Variants in DPP10 observed in about 807,000 individuals in gnomAD.
DPP10 encodes dipeptidyl peptidase like 10, also known as inactive dipeptidyl peptidase 10.
Under a neutral mutation model 120.9 loss-of-function variants are expected in DPP10, and 33 were observed. That is an observed-to-expected ratio of 0.27 (90% confidence interval 0.21 to 0.37). The LOEUF (loss-of-function observed/expected upper bound fraction) is 0.37, where lower values mean the gene tolerates loss of function less well. Among genes scored for constraint, DPP10 ranks in the 10% least tolerant of loss-of-function variants. The pLI, the probability that DPP10 is intolerant of heterozygous loss-of-function variation, is 1.00. For synonymous variants in DPP10, 337 were observed against 326.1 expected, an observed-to-expected ratio of 1.03 and a Z score of -0.36; for missense variants, 816 against 942.8, an observed-to-expected ratio of 0.87 and a Z score of 1.76.
At chr2:115,654,336 T>C (rs553945396) in intron 5 of DPP10, among the ~76,000 whole-genome samples, 26 of 152,056 alleles carry the variant, frequency 1.7e-4, no homozygotes, top group African/African-American at 5.8e-4. Flanking sequence ...TTAAACCTTA[T>C]TAAAATTCCA....
chr2:115,718,187 TA>T (rs5833621), intron 7 of DPP10, among the ~76,000 whole-genome samples: 121,975 of 149,892 alleles, frequency 0.81, 50,281 homozygotes, highest in East Asian at 0.88. Flanking sequence ...TTCCAGTAAT[TA>T]AAAAAAAAAA....
chr2:115,195,336 C>T (rs2055181519), intron 1 of DPP10, among the ~76,000 whole-genome samples: 1 of 152,124 alleles, frequency 6.6e-6, no homozygotes, highest in Non-Finnish European at 1.5e-5. Context: ...TCACCGCCAC[C>T]CCTAAAACCC....
At chr2:114,961,045 T>C in intron 1 of DPP10, among the ~76,000 whole-genome samples, 1 of 107,036 alleles carries the variant, frequency 9.3e-6, no homozygotes, top group Non-Finnish European at 1.8e-5. Flanking sequence ...TTTTTTTTTT[T>C]TTTTTTTTTT....
chr2:115,227,381 G>A lies in DPP10; in HGVS notation c.61-81858G>A, dbSNP rs138177953. Among the ~76,000 whole-genome samples the A allele has an allele frequency of 8.2e-3, 1,254 of 152,216 alleles. 9 individuals are homozygous for A. The highest frequency in any genetic ancestry group is 0.012 in the South Asian group (60 of 4,830). On this transcript the variant is annotated intron_variant, in intron 1 of 25. Transcript: ENST00000410059. ...TTCAGTAAAGAAACTGATTCTTCCA[G>A]TTGAAATTTAAACTTTCTTTTACTC...
intron 1 of DPP10, among the ~76,000 whole-genome samples, chr2:114,563,761 C>T (rs2104961150): frequency 6.6e-6 from 1 of 152,160 alleles, no homozygotes; most frequent in East Asian, 1.9e-4. Context: ...TTCAGGAGGC[C>T]AGAAGCTAAA....
At chr2:115,754,171 C>T (rs1357205058) in intron 11 of DPP10, among the ~76,000 whole-genome samples, 1 of 152,006 alleles carries the variant, frequency 6.6e-6, no homozygotes, top group Non-Finnish European at 1.5e-5. Flanking sequence ...CCAAGCAAAG[C>T]AAAAAGATTT....
intron 3 of DPP10, among the ~76,000 whole-genome samples, chr2:115,348,490 T>C (rs970176573): frequency 3.3e-5 from 5 of 152,188 alleles, no homozygotes; most frequent in Admixed American, 3.3e-4. Context: ...ACATAGTTTT[T>C]TTTTATAATT....
At chr2:115,522,724 G>A (rs1034947553) in intron 4 of DPP10, among the ~76,000 whole-genome samples, 3 of 152,068 alleles carry the variant, frequency 2.0e-5, no homozygotes, top group African/African-American at 7.2e-5. Flanking sequence ...TCATTGCTGA[G>A]TAATGGCAAT....
At chr2:114,765,487 C>T (rs928889877) in intron 1 of DPP10, among the ~76,000 whole-genome samples, 9 of 152,090 alleles carry the variant, frequency 5.9e-5, no homozygotes, top group African/African-American at 2.2e-4. Flanking sequence ...ACAACAAATA[C>T]GAGAGATGGA....
intron 1 of DPP10, among the ~76,000 whole-genome samples, chr2:114,760,480 C>T (rs1680183787): frequency 6.6e-6 from 1 of 151,828 alleles, no homozygotes; most frequent in Non-Finnish European, 1.5e-5. Flanking sequence ...AAACTTCTAA[C>T]CTGGAAGTAC....
At chr2:115,586,570 T>C (rs924434504) in intron 5 of DPP10, among the ~76,000 whole-genome samples, 1 of 152,210 alleles carries the variant, frequency 6.6e-6, no homozygotes, top group Non-Finnish European at 1.5e-5. Flanking sequence ...CCAACAGTAA[T>C]GGAAGAAAAT....
chr2:115,166,590 A>G (rs1208516060), intron 1 of DPP10, among the ~76,000 whole-genome samples: 2 of 118,170 alleles, frequency 1.7e-5, no homozygotes, highest in Non-Finnish European at 1.9e-5. Flanking sequence ...ATTATATATA[A>G]GGCATTTTGT....
At chr2:114,768,092 C>T (rs1423308169) in intron 1 of DPP10, among the ~76,000 whole-genome samples, 1 of 143,870 alleles carries the variant, frequency 7.0e-6, no homozygotes, top group Non-Finnish European at 1.5e-5. Context: ...TGTGCCACTG[C>T]ACTCCAGGTC....
At chr2:115,061,829 A>T (rs542935992) in intron 1 of DPP10, among the ~76,000 whole-genome samples, 1 of 152,192 alleles carries the variant, frequency 6.6e-6, no homozygotes, top group Non-Finnish European at 1.5e-5. Flanking sequence ...CAGCATGTTG[A>T]AGAAGCTAAA....
chr2:115,820,488 A>T (rs2150058071), intron 21 of DPP10, among the ~76,000 whole-genome samples: 1 of 150,902 alleles, frequency 6.6e-6, no homozygotes, highest in African/African-American at 2.4e-5. Context: ...ACTTACATGA[A>T]TAAGTTCTTT....
chr2:115,305,418 G>T (rs2061321718), intron 1 of DPP10, among the ~76,000 whole-genome samples: 1 of 152,012 alleles, frequency 6.6e-6, no homozygotes. Context: ...ACAAGAGATT[G>T]TTAACTGACG....
At chr2:115,537,395 A>G (rs2078914855) in intron 5 of DPP10, among the ~76,000 whole-genome samples, 1 of 152,024 alleles carries the variant, frequency 6.6e-6, no homozygotes, top group Admixed American at 6.6e-5. Flanking sequence ...CATGGAGAAA[A>G]AGTAAAGTGA....
At chr2:114,735,420 A>G (rs1677331537) in intron 1 of DPP10, among the ~76,000 whole-genome samples, 1 of 152,178 alleles carries the variant, frequency 6.6e-6, no homozygotes, top group African/African-American at 2.4e-5. Context: ...CAAGAGTTTC[A>G]AAGTTTCAAG....
chr2:114,714,071 TTG>T (rs59076753), intron 1 of DPP10, among the ~76,000 whole-genome samples: 8,725 of 147,214 alleles, frequency 0.059, 357 homozygotes, highest in African/African-American at 0.12. Flanking sequence ...GGATTTGTGT[TTG>T]TGTGTGTGTG....
Sources: gnomAD v4.1 joint callset for allele counts (sites outside exome capture counted in the v4.1 genomes callset) on GRCh38, gnomAD v4.1.1 for gene constraint, MANE v1.5 for transcripts, NCBI Gene and HGNC (gene_info 2026-07-23, HGNC 2026-07-21) for gene names.